CACNG2: variants seen among roughly 807,000 people sequenced by gnomAD.
CACNG2 encodes voltage-dependent calcium channel gamma-2 subunit.
Under a neutral mutation model 25.9 loss-of-function variants are expected in CACNG2, and 3 were observed. The ratio of observed to expected loss-of-function variants is 0.12; its 90% CI spans 0.05 to 0.30. The LOEUF is 0.30. CACNG2 is among the 10% of genes least tolerant of loss of function. CACNG2 has a pLI of 1.00. For synonymous variants in CACNG2, 167 were observed against 173.3 expected (o/e 0.96, Z 0.29); for missense variants, 341 against 432.5 (o/e 0.79, Z 1.88).
At chr22:36,622,954 C>T (rs1458014726) in intron 1 of CACNG2, among the ~76,000 whole-genome samples, 4 of 147,854 alleles carry the variant, frequency 2.7e-5, no homozygotes, top group African/African-American at 1.0e-4. Context: ...AGCAAAACTC[C>T]GTTTAAAAAA....
At chr22:36,574,708 G>T (rs1398452879) in intron 2 of CACNG2, among the ~76,000 whole-genome samples, 1 of 152,194 alleles carries the variant, frequency 6.6e-6, no homozygotes, top group Non-Finnish European at 1.5e-5. Flanking sequence ...CTTGAACCTG[G>T]GAGGTGGAGG....
rs1263645535 is a variant in CACNG2, at chr22:36,560,925, C to A, written c.*3426G>T. 7.0e-6 allele frequency: 1 copy of A among 143,222 alleles called. No homozygotes were observed. Among genetic ancestry groups the A allele is most frequent in the African/African-American group, 2.6e-5 (1 of 38,376 alleles). 8.9% of individuals were successfully genotyped at this position (143,222 alleles called of 1,614,324 possible). A position where few individuals can be genotyped will look rare whatever the true frequency, so the allele number is the denominator to read the frequency against. ...CAGGATTTTTTTTTTCAGTTTTCTGCTTTTTAAAATTTTTTTTCTGTTAAC... is the reference window on the plus strand; with the variant it reads ...CAGGATTTTTTTTTTCAGTTTTCTGATTTTTAAAATTTTTTTTCTGTTAAC... On this transcript the variant is annotated 3_prime_UTR_variant, in exon 4 of 4. Transcript: ENST00000300105.
At chr22:36,577,527 G>A (rs1004793568) in intron 2 of CACNG2, among the ~76,000 whole-genome samples, 8 of 152,024 alleles carry the variant, frequency 5.3e-5, no homozygotes, top group African/African-American at 9.6e-5. Flanking sequence ...GCGCAGGCCC[G>A]TAGTCCCACC....
chr22:36,635,352 A>G (rs1936340656), intron 1 of CACNG2, among the ~76,000 whole-genome samples: 1 of 152,116 alleles, frequency 6.6e-6, no homozygotes, highest in Non-Finnish European at 1.5e-5. Flanking sequence ...GAGAATGAAC[A>G]TATATATTTA....
rs766517338 is a variant in CACNG2 at position 36,703,166 on chromosome 22, C to G, written c.-590G>C. The G allele has an allele frequency of 9.7e-5, 15 of 155,406 alleles. No individual in the cohort carries two copies. The highest frequency in any genetic ancestry group is 1.6e-4 in the Non-Finnish European group (11 of 70,474). 9.6% of individuals were successfully genotyped at this position (155,406 alleles called of 1,614,324 possible). The stretch of plus-strand genomic sequence containing the variant: ...GCGCTTTCGTTTCAGACCAGACTTC[C>G]CAGTATTCTGTAAGCCCTTGAGCTC... On this transcript the variant is annotated 5_prime_UTR_variant, in exon 1 of 4. Transcript: ENST00000300105.
At chr22:36,634,648 G>A (rs954477466) in intron 1 of CACNG2, among the ~76,000 whole-genome samples, 3 of 152,164 alleles carry the variant, frequency 2.0e-5, no homozygotes, top group Non-Finnish European at 4.4e-5. Context: ...TATAGCAGGG[G>A]TTTAATAGAT....
rs560231978 is a variant in CACNG2 at position 36,659,438 on chromosome 22, C to T, written c.211+42928G>A. On this transcript the variant is annotated intron_variant, in intron 1 of 3. Transcript: ENST00000300105. ...CCACAGTGAACACTGTGCTGTTTCACGTTACTTATTTCATGTGAGGAAACT... is the reference window on the plus strand; with the variant it reads ...CCACAGTGAACACTGTGCTGTTTCATGTTACTTATTTCATGTGAGGAAACT... Among the ~76,000 whole-genome samples the T allele has an allele frequency of 2.2e-3, 342 of 152,212 alleles. 2 individuals carry two copies. Among genetic ancestry groups the T allele is most frequent in the Middle Eastern group, 0.02 (6 of 294 alleles).
intron 2 of CACNG2, among the ~76,000 whole-genome samples, chr22:36,576,607 T>TGA (rs921019096): frequency 2.0e-5 from 3 of 149,010 alleles, no homozygotes; most frequent in Non-Finnish European, 4.5e-5. Flanking sequence ...TGTGTGTGTG[T>TGA]GAGAGAGAGA....
At chr22:36,575,696 G>A (rs1935301460) in intron 2 of CACNG2, among the ~76,000 whole-genome samples, 1 of 152,112 alleles carries the variant, frequency 6.6e-6, no homozygotes, top group African/African-American at 2.4e-5. Context: ...CTCAATGATG[G>A]TCCCGTGCCC....
chr22:36,637,021 G>A (rs1415022334), intron 1 of CACNG2, among the ~76,000 whole-genome samples: 1 of 152,240 alleles, frequency 6.6e-6, no homozygotes, highest in African/African-American at 2.4e-5. Flanking sequence ...AGGGATTAAC[G>A]TCCAGGGCGT....
At chr22:36,655,724 TTTTC>T (rs879787197) in intron 1 of CACNG2, among the ~76,000 whole-genome samples, 14 of 146,470 alleles carry the variant, frequency 9.6e-5, no homozygotes, top group East Asian at 3.9e-4. Flanking sequence ...TCTTTCTTTC[TTTTC>T]TTTCTTTCTC....
intron 2 of CACNG2, among the ~76,000 whole-genome samples, chr22:36,576,109 G>T (rs2050141): frequency 0.3 from 44,923 of 152,124 alleles, 7,023 homozygotes; most frequent in African/African-American, 0.39. Flanking sequence ...CAATTTGCAA[G>T]TGCAAAATTG....
chr22:36,608,616 G>A (rs1408411206), intron 1 of CACNG2, among the ~76,000 whole-genome samples: 1 of 152,084 alleles, frequency 6.6e-6, no homozygotes, highest in Non-Finnish European at 1.5e-5. Flanking sequence ...GGTGATAAAT[G>A]TTAGCCATTA....
At chr22:36,566,195 G>C (rs1230600723) in intron 3 of CACNG2, among the ~76,000 whole-genome samples, 158 bp downstream of exon 3, 2 of 152,058 alleles carry the variant, frequency 1.3e-5, no homozygotes, top group Non-Finnish European at 1.5e-5. Context: ...CAGGACAGGA[G>C]CCCCCCCACC....
At chr22:36,648,549 A>C (rs1936562739) in intron 1 of CACNG2, among the ~76,000 whole-genome samples, 1 of 152,150 alleles carries the variant, frequency 6.6e-6, no homozygotes, top group African/African-American at 2.4e-5. Flanking sequence ...GGAACATGTG[A>C]GGTTCTCTCT....
At chr22:36,657,700 G>A (rs1016931651) in intron 1 of CACNG2, among the ~76,000 whole-genome samples, 6 of 149,860 alleles carry the variant, frequency 4.0e-5, no homozygotes, top group African/African-American at 1.5e-4. Context: ...TTTTTTTTCT[G>A]GATACAATAA....
chr22:36,646,762 C>A (rs529217588), intron 1 of CACNG2, among the ~76,000 whole-genome samples: 1 of 151,828 alleles, frequency 6.6e-6, no homozygotes, highest in African/African-American at 2.4e-5. Context: ...CCCCACAACC[C>A]CACCCTCCCA....
At chr22:36,600,639 C>T (rs1003648580) in intron 1 of CACNG2, among the ~76,000 whole-genome samples, 16 of 151,770 alleles carry the variant, frequency 1.1e-4, no homozygotes, top group Middle Eastern at 3.4e-3. Flanking sequence ...CTCTGCCTCC[C>T]GAGTTCAAGC....
chr22:36,671,621 T>G (rs1309348995), intron 1 of CACNG2, among the ~76,000 whole-genome samples: 2 of 152,202 alleles, frequency 1.3e-5, no homozygotes, highest in Non-Finnish European at 2.9e-5. Flanking sequence ...ACAAACAATT[T>G]TTTTGGATAC....
Sources: gnomAD v4.1 joint callset for allele counts (sites outside exome capture counted in the v4.1 genomes callset) on GRCh38, gnomAD v4.1.1 for gene constraint, MANE v1.5 for transcripts, NCBI Gene and HGNC (gene_info 2026-07-23, HGNC 2026-07-21) for gene names.